The following C19orf12 variants were observed in gnomAD, a reference collection of about 807,000 sequenced individuals.
The protein encoded by C19orf12 is chromosome 19 open reading frame 12, also known as protein C19orf12.
C19orf12 carries 2 observed loss-of-function variants against 3.8 expected under a neutral mutation model. The ratio of observed to expected loss-of-function variants is 0.53; its 90% CI spans 0.22 to 1.66. The LOEUF (loss-of-function observed/expected upper bound fraction) is 1.66. Among genes scored for constraint, C19orf12 ranks in the 40% most tolerant of loss-of-function variants. The pLI is 0.20. For missense variants in C19orf12, 156 were observed against 188.8 expected, an observed-to-expected ratio of 0.83 and a Z score of 1.02; for synonymous variants, 89 against 84.6, an observed-to-expected ratio of 1.05 and a Z score of -0.28.
intron 1 of C19orf12, among the ~76,000 whole-genome samples, chr19:29,714,199 C>T (rs568744381): frequency 7.6e-4 from 116 of 152,190 alleles, no homozygotes; most frequent in Non-Finnish European, 1.4e-3. Flanking sequence ...CCCGTCTCTA[C>T]TAAAAAATAC....
intron 2 of C19orf12, 51 bp from the exon 3 acceptor site, chr19:29,703,028 CCTTA>C (rs932738727): frequency 1.9e-6 from 3 of 1,612,208 alleles, no homozygotes; most frequent in African/African-American, 1.3e-5. Flanking sequence ...TAAGCGATGG[CCTTA>C]CTTAAGTTCC....
At chr19:29,710,194 T>G (rs1972598447) in intron 1 of C19orf12, among the ~76,000 whole-genome samples, 1 of 152,120 alleles carries the variant, frequency 6.6e-6, no homozygotes, top group South Asian at 2.1e-4. Flanking sequence ...GACCCAAGGA[T>G]GATCCAGAAG....
In C19orf12 at chr19:29,702,075, C is replaced by T. The variant is rs1972115847; in HGVS notation, c.*637G>A. The T allele has an allele frequency of 2.2e-6, 1 of 449,280 alleles. No homozygotes were observed. Among genetic ancestry groups the T allele is most frequent in the African/African-American group, 2.0e-5 (1 of 49,854 alleles). 27.8% of individuals were successfully genotyped at this position (449,280 alleles called of 1,614,324 possible). ...GACTTTTCAGATGGGAAGAGCGAGG[C>T]CCTGGCAGGGCGAGTCTAGGTGTGC... On this transcript the variant is annotated 3_prime_UTR_variant, in exon 3 of 3. Transcript: ENST00000323670.
In C19orf12 at chr19:29,699,883, A is replaced by G; in HGVS notation, c.*2829T>C. On this transcript the variant is annotated 3_prime_UTR_variant, in exon 3 of 3. Coordinates refer to ENST00000323670, the MANE Select transcript of C19orf12 (RefSeq NM_031448.6). ...GATATATAAATACTAAAACCACAGG[A>G]GCTGAGAAGCAGCGCTTGATTTCCT... is the stretch of plus-strand genomic sequence containing the variant. 2.2e-6 allele frequency: 1 copy of G among 453,706 alleles called. No individual in the cohort carries two copies. Among genetic ancestry groups the G allele is most frequent in the South Asian group, 1.6e-5 (1 of 64,470 alleles). The allele number at this position is 453,706 out of a possible 1,614,324, so 28.1% of individuals were successfully genotyped here.
upstream of C19orf12, chr19:29,715,369 G>C (rs574772189): frequency 3.1e-4 from 123 of 392,674 alleles, no homozygotes; most frequent in African/African-American, 2.4e-3. Context: ...GGAGCCGGGG[G>C]TCGCTGCTGG....
At position 29,702,285 on chromosome 19, in the gene C19orf12, T is replaced by G; in HGVS notation, c.*427A>C. ...CCCCAGGACCTGCAGGGGGGTGGGA[T>G]CCAGTCCTGCAGCAGGTGCTCTGAA... On this transcript the variant is annotated 3_prime_UTR_variant, in exon 3 of 3. Transcript: ENST00000323670. The G allele has an allele frequency of 2.2e-6, 1 of 458,548 alleles. No homozygotes were observed. The highest frequency in any genetic ancestry group is 4.3e-6 in the Non-Finnish European group (1 of 230,024). The allele number at this position is 458,548 out of a possible 1,614,324, so 28.4% of individuals were successfully genotyped here. A position where few individuals can be genotyped will look rare whatever the true frequency, so the allele number is the denominator to read the frequency against.
Position 29,702,698 on chromosome 19 carries a change from C to G in C19orf12, c.*14G>C, listed in dbSNP as rs1287359339. 3.7e-6 allele frequency: 6 copies of G among 1,612,944 alleles called. No individual in the cohort carries two copies. The highest frequency in any genetic ancestry group is 5.1e-6 in the Non-Finnish European group (6 of 1,180,026). On this transcript the variant is annotated 3_prime_UTR_variant, in exon 3 of 3. Transcript: ENST00000323670. ...GTCATTTAAAGGGGCCCCCCACCTC[C>G]CCGGAGGTGCGGCCTAGTCATCATA...
chr19:29,706,314 C>T (rs1431591791), intron 2 of C19orf12, among the ~76,000 whole-genome samples: 1 of 152,216 alleles, frequency 6.6e-6, no homozygotes, highest in Non-Finnish European at 1.5e-5. Context: ...TAGAGCAGCA[C>T]TTAATGCAAA....
upstream of C19orf12, chr19:29,715,320 G>A (rs1267302006): frequency 1.5e-5 from 6 of 390,188 alleles, no homozygotes; most frequent in East Asian, 4.1e-4. Flanking sequence ...GCCACGCGCC[G>A]GGCCAGCTCC....
intron 1 of C19orf12, chr19:29,714,812 C>T (rs1972874996): frequency 4.9e-6 from 2 of 405,640 alleles, no homozygotes. Context: ...ATCCACCACC[C>T]GCACCCCACC....
Position 29,699,329 on chromosome 19 carries a change from A to G in C19orf12, c.*3383T>C, listed in dbSNP as rs1267033078. 1 of 366,848 alleles carries G rather than the reference A, an allele frequency of 2.7e-6. No individual in the cohort carries two copies. The highest frequency in any genetic ancestry group is 7.5e-5 in the East Asian group (1 of 13,258). 22.7% of individuals were successfully genotyped at this position (366,848 alleles called of 1,614,324 possible). On this transcript the variant is annotated 3_prime_UTR_variant, in exon 3 of 3. Transcript: ENST00000323670. ...AAAAATAAAAAAAAAATAAAAAAAT[A>G]AAAATTAGCCGGGCATGGTGGCGGG...
Position 29,701,224 on chromosome 19 carries a change from A to C in C19orf12, c.*1488T>G, listed in dbSNP as rs777128142. ...AAGTCGTAGTTCTGAAAGCAAAGTGAAAACACACAGTACAGCTATGCCTCA... is the reference window on the plus strand; with the variant it reads ...AAGTCGTAGTTCTGAAAGCAAAGTGCAAACACACAGTACAGCTATGCCTCA... On this transcript the variant is annotated 3_prime_UTR_variant, in exon 3 of 3. Coordinates refer to ENST00000323670, the MANE Select transcript of C19orf12 (RefSeq NM_031448.6). 76 of 454,024 alleles carry C rather than the reference A, an allele frequency of 1.7e-4. No homozygotes were observed. The highest frequency in any genetic ancestry group is 1.6e-4 in the Admixed American group (7 of 42,566). 28.1% of individuals were successfully genotyped at this position (454,024 alleles called of 1,614,324 possible). A position where few individuals can be genotyped will look rare whatever the true frequency, so the allele number is the denominator to read the frequency against.
At position 29,702,560 on chromosome 19, in the gene C19orf12, C is replaced by T. The variant is rs755275025; in HGVS notation, c.*152G>A. The T allele has an allele frequency of 6.0e-5, 61 of 1,024,028 alleles. No individual in the cohort carries two copies. Among genetic ancestry groups the T allele is most frequent in the Admixed American group, 8.9e-5 (5 of 56,204 alleles). 63.4% of individuals were successfully genotyped at this position (1,024,028 alleles called of 1,614,324 possible). Reference sequence around the variant, plus strand: ...ATTTCTGGAACATGACACTGCACAGCGGTGGCCTCTCCAGCGGGACATTAC... The same window carrying T: ...ATTTCTGGAACATGACACTGCACAGTGGTGGCCTCTCCAGCGGGACATTAC... On this transcript the variant is annotated 3_prime_UTR_variant, in exon 3 of 3. Transcript: ENST00000323670.
At chr19:29,711,770 C>T (rs1348421727) in intron 1 of C19orf12, among the ~76,000 whole-genome samples, 2 of 151,660 alleles carry the variant, frequency 1.3e-5, no homozygotes, top group East Asian at 3.9e-4. Context: ...CTACTGGCTT[C>T]CCCCCCCAAA....
At chr19:29,712,683 C>T (rs1053482901) in intron 1 of C19orf12, among the ~76,000 whole-genome samples, 3 of 152,164 alleles carry the variant, frequency 2.0e-5, no homozygotes, top group African/African-American at 7.2e-5. Context: ...AAAACCCTTG[C>T]ATTTCACTGT....
Position 29,702,621 on chromosome 19 carries a change from G to C in C19orf12, c.*91C>G. On this transcript the variant is annotated 3_prime_UTR_variant, in exon 3 of 3. Transcript: ENST00000323670. ...CTGATGATGTGGAGATTCCCCAGGG[G>C]GCATCCGCTGGGCTTCTCCCAACTC... The C allele has an allele frequency of 6.5e-7, 1 of 1,535,824 alleles. No homozygotes were observed. The highest frequency in any genetic ancestry group is 9.0e-7 in the Non-Finnish European group (1 of 1,112,070).
chr19:29,715,139 G>A lies in C19orf12; in HGVS notation c.-25C>T. On this transcript the variant is annotated 5_prime_UTR_variant, in exon 1 of 3. Coordinates refer to ENST00000323670, the MANE Select transcript of C19orf12 (RefSeq NM_031448.6). The stretch of plus-strand genomic sequence containing the variant: ...CGCTCCTTTACCTGGGGGAGCGGAG[G>A]TCTACGCGGCGCGCTCGGCGATCAG... 2 of 587,344 alleles carry A rather than the reference G, an allele frequency of 3.4e-6. No homozygotes were observed. Among genetic ancestry groups the A allele is most frequent in the Non-Finnish European group, 6.0e-6 (2 of 332,524 alleles). 36.4% of individuals were successfully genotyped at this position (587,344 alleles called of 1,614,324 possible). A position where few individuals can be genotyped will look rare whatever the true frequency, so the allele number is the denominator to read the frequency against.
intron 1 of C19orf12, 72 bp from the exon 2 acceptor site, chr19:29,708,495 T>A: frequency 6.3e-7 from 1 of 1,576,064 alleles, no homozygotes; most frequent in Non-Finnish European, 8.6e-7. Flanking sequence ...CCACTCTAGT[T>A]CCTAGAGTTT....
At chr19:29,713,971 C>CT (rs56671362) in intron 1 of C19orf12, among the ~76,000 whole-genome samples, 13,367 of 136,560 alleles carry the variant, frequency 0.098, 737 homozygotes, top group African/African-American at 0.2. Context: ...TCCTTCCTTC[C>CT]TTCCTTTTCT....
Sources: gnomAD v4.1 joint callset for allele counts (sites outside exome capture counted in the v4.1 genomes callset) on GRCh38, gnomAD v4.1.1 for gene constraint, MANE v1.5 for transcripts, NCBI Gene and HGNC (gene_info 2026-07-23, HGNC 2026-07-21) for gene names.